The following PXDNL variants were observed in gnomAD, a reference collection of about 807,000 sequenced individuals.
PXDNL encodes peroxidasin like.
PXDNL carries 145 observed loss-of-function variants against 150.8 expected under a neutral mutation model. That is an observed-to-expected ratio of 0.96 (90% CI 0.84 to 1.10). The LOEUF (loss-of-function observed/expected upper bound fraction) is 1.10. Among genes scored for constraint, PXDNL ranks in the 50% least tolerant of loss-of-function variants. The pLI is 0.00. For missense variants in PXDNL, 2,087 were observed against 1,873.9 expected (o/e 1.11, Z -2.10); for synonymous variants, 757 against 725.7 (o/e 1.04, Z -0.69).
intron 17 of PXDNL, among the ~76,000 whole-genome samples, chr8:51,402,330 G>A (rs11779714): frequency 4.6e-5 from 7 of 151,968 alleles, no homozygotes; most frequent in Non-Finnish European, 1.0e-4. Flanking sequence ...GTTTGAGACC[G>A]GCCTGGCTAA....
intron 2 of PXDNL, among the ~76,000 whole-genome samples, chr8:51,638,314 A>G (rs1563491290): frequency 1.3e-5 from 2 of 152,210 alleles, no homozygotes; most frequent in Non-Finnish European, 2.9e-5. Context: ...ATAACCAGCT[A>G]ACATCATAAT....
At chr8:51,702,553 T>C (rs1816277908) in intron 1 of PXDNL, among the ~76,000 whole-genome samples, 1 of 152,198 alleles carries the variant, frequency 6.6e-6, no homozygotes, top group Non-Finnish European at 1.5e-5. Context: ...CGAAAGATTC[T>C]AGCATAGTTA....
intron 1 of PXDNL, among the ~76,000 whole-genome samples, chr8:51,689,739 A>C (rs1389532398): frequency 6.6e-6 from 1 of 152,218 alleles, no homozygotes; most frequent in Non-Finnish European, 1.5e-5. Flanking sequence ...CGGTAATATA[A>C]GGAAATAACA....
At chr8:51,653,956 T>C (rs957056657) in intron 2 of PXDNL, among the ~76,000 whole-genome samples, 8 of 152,214 alleles carry the variant, frequency 5.3e-5, no homozygotes, top group African/African-American at 1.7e-4. Context: ...CATAGGTCTC[T>C]TCTCCTTATA....
At chr8:51,641,077 C>G (rs944052155) in intron 2 of PXDNL, among the ~76,000 whole-genome samples, 1 of 151,960 alleles carries the variant, frequency 6.6e-6, no homozygotes, top group Admixed American at 6.6e-5. Flanking sequence ...TGATCTTTGA[C>G]AAACCTGAGA....
chr8:51,676,627 T>A (rs1815628245), intron 1 of PXDNL, among the ~76,000 whole-genome samples: 1 of 152,184 alleles, frequency 6.6e-6, no homozygotes, highest in African/African-American at 2.4e-5. Context: ...CAACAGCCCC[T>A]GTGCCAGAAC....
chr8:51,676,905 C>T (rs567798670), intron 1 of PXDNL, among the ~76,000 whole-genome samples: 24 of 152,246 alleles, frequency 1.6e-4, no homozygotes, highest in Admixed American at 3.3e-4. Context: ...CAGGAATAAA[C>T]ACCTCAGGGC....
intron 19 of PXDNL, among the ~76,000 whole-genome samples, chr8:51,350,354 C>T (rs867727610): frequency 0.016 from 1,237 of 77,900 alleles, 17 homozygotes; most frequent in Non-Finnish European, 0.022. Context: ...AATGCAGCTT[C>T]TTTTTTTTTT....
intron 1 of PXDNL, among the ~76,000 whole-genome samples, chr8:51,793,443 T>A (rs919572974): frequency 3.9e-5 from 6 of 152,078 alleles, no homozygotes; most frequent in African/African-American, 7.2e-5. Flanking sequence ...CTCCAAATGA[T>A]CACAACACCT....
intron 17 of PXDNL, among the ~76,000 whole-genome samples, chr8:51,386,334 G>T (rs376487059): frequency 1.8e-4 from 28 of 152,080 alleles, no homozygotes; most frequent in East Asian, 1.4e-3. Context: ...CTCGTGATCC[G>T]CCTGCCTCGG....
intron 1 of PXDNL, among the ~76,000 whole-genome samples, chr8:51,677,338 T>C (rs968387825): frequency 6.6e-6 from 1 of 152,228 alleles, no homozygotes; most frequent in Non-Finnish European, 1.5e-5. Flanking sequence ...TATTCTCTGC[T>C]GCTTAAAGCA....
intron 1 of PXDNL, among the ~76,000 whole-genome samples, chr8:51,661,809 T>C (rs1008645853): frequency 6.6e-6 from 1 of 151,266 alleles, no homozygotes; most frequent in African/African-American, 2.4e-5. Context: ...GCAGTTAGTG[T>C]GGGGCAGGTG....
At position 51,345,898 on chromosome 8, in the gene PXDNL, CT is replaced by C. The variant is rs1213695608; in HGVS notation, c.3950del (p.Lys1317ArgfsTer17). On this transcript the variant is annotated frameshift_variant, in exon 20 of 23. Coordinates refer to ENST00000356297, the MANE Select transcript of PXDNL (RefSeq NM_144651.5). LOFTEE classifies it high-confidence loss of function. The stretch of plus-strand genomic sequence containing the variant: ...GATAGCTGTATTGAGCTGAGCGTTT[CT>C]TTTGAGACTCTTGCGTCACTGCTCT... ...QFRAVTQESQ[K>X]KRSAQYSYPV... is the part of the protein sequence containing the mutation. 1 of 1,613,870 alleles carries C rather than the reference CT, an allele frequency of 6.2e-7. No homozygotes were observed. The highest frequency in any genetic ancestry group is 1.7e-5 in the Admixed American group (1 of 60,024).
chr8:51,405,215 A>G (rs1808403624), intron 17 of PXDNL, among the ~76,000 whole-genome samples: 2 of 152,134 alleles, frequency 1.3e-5, no homozygotes. Flanking sequence ...CCAGCCCAGA[A>G]AGGGGCTCCC....
intron 12 of PXDNL, 117 bp downstream of exon 12, chr8:51,446,887 C>G: frequency 1.5e-6 from 1 of 678,046 alleles, no homozygotes; most frequent in Non-Finnish European, 2.2e-6. Context: ...TTTCTTAGAT[C>G]ATATGACTAT....
intron 1 of PXDNL, among the ~76,000 whole-genome samples, chr8:51,764,686 A>G (rs919271422): frequency 2.2e-4 from 34 of 152,172 alleles, no homozygotes; most frequent in African/African-American, 7.9e-4. Context: ...GTATTATTTC[A>G]GTCCTTTTTA....
chr8:51,321,104 A>G, intron 21 of PXDNL: 1 of 464,630 alleles, frequency 2.2e-6, no homozygotes, highest in Admixed American at 3.9e-5. Context: ...ACAGTTCTGT[A>G]GGTGTTAAAA....
At chr8:51,558,073 T>C (rs1052845368) in intron 3 of PXDNL, among the ~76,000 whole-genome samples, 15 of 152,154 alleles carry the variant, frequency 9.9e-5, no homozygotes, top group African/African-American at 3.1e-4. Flanking sequence ...AGAACCATGT[T>C]TCTTCAAACA....
chr8:51,587,638 C>T (rs1813354611), intron 3 of PXDNL, among the ~76,000 whole-genome samples: 1 of 152,102 alleles, frequency 6.6e-6, no homozygotes, highest in Non-Finnish European at 1.5e-5. Flanking sequence ...AATATAAATA[C>T]TTGTAATCTT....
Sources: allele counts gnomAD v4.1 joint callset (sites outside exome capture counted in the v4.1 genomes callset), GRCh38; gene constraint gnomAD v4.1.1; transcripts MANE v1.5; gene names NCBI Gene and HGNC (gene_info 2026-07-23, HGNC 2026-07-21).